The following RORB variants were observed in gnomAD, a reference collection of about 807,000 sequenced individuals.
RORB encodes RAR related orphan receptor B, also known as nuclear receptor ROR-beta.
RORB carries 6 observed loss-of-function variants against 59.1 expected under a neutral mutation model. The ratio of observed to expected loss-of-function variants is 0.10; its 90% CI spans 0.06 to 0.20. RORB has a LOEUF of 0.20. RORB is among the 10% of genes least tolerant of loss of function. The pLI is 1.00. For synonymous variants in RORB, 215 were observed against 204.5 expected, an observed-to-expected ratio of 1.05 and a Z score of -0.44; for missense variants, 320 against 560.5, an observed-to-expected ratio of 0.57 and a Z score of 4.33.
intron 1 of RORB, among the ~76,000 whole-genome samples, chr9:74,524,559 T>C (rs570237183): frequency 5.3e-5 from 8 of 152,098 alleles, no homozygotes; most frequent in African/African-American, 1.9e-4. Context: ...CACTAATTTA[T>C]AGAAGAATGT....
intron 1 of RORB, among the ~76,000 whole-genome samples, chr9:74,522,792 A>G (rs186120529): frequency 3.3e-5 from 5 of 151,984 alleles, no homozygotes; most frequent in East Asian, 3.9e-4. Context: ...CACTGTACCC[A>G]GATAATCAAC....
chr9:74,659,939 T>C (rs1824153165), intron 4 of RORB, among the ~76,000 whole-genome samples: 1 of 151,904 alleles, frequency 6.6e-6, no homozygotes, highest in African/African-American at 2.4e-5. Context: ...ATATAAAAAA[T>C]TAAAAAGGAG....
At chr9:74,664,674 C>G (rs190389233) in intron 6 of RORB, among the ~76,000 whole-genome samples, 78 of 152,240 alleles carry the variant, frequency 5.1e-4, no homozygotes, top group Non-Finnish European at 8.4e-4. Flanking sequence ...CAAAGACAAG[C>G]AGAGAGAAAT....
intron 2 of RORB, among the ~76,000 whole-genome samples, chr9:74,631,398 A>C (rs1307680224): frequency 6.6e-6 from 1 of 152,230 alleles, no homozygotes; most frequent in African/African-American, 2.4e-5. Flanking sequence ...TCAAAGAAGC[A>C]AGCAAAGTGA....
intron 1 of RORB, among the ~76,000 whole-genome samples, chr9:74,536,308 G>T (rs1341312256): frequency 6.6e-6 from 1 of 151,824 alleles, no homozygotes; most frequent in Non-Finnish European, 1.5e-5. Flanking sequence ...GAGGAGGGGA[G>T]GGAAGAGGAG....
chr9:74,590,411 G>A (rs1822868935), intron 1 of RORB, among the ~76,000 whole-genome samples: 1 of 152,176 alleles, frequency 6.6e-6, no homozygotes, highest in Admixed American at 6.5e-5. Context: ...TCTAAGAGTT[G>A]TAGTGGTTAA....
At position 74,656,897 on chromosome 9, in the gene RORB, T is replaced by C. The variant is rs1824091919; in HGVS notation, c.638-3720T>C. On this transcript the variant is annotated intron_variant, in intron 4 of 9. Transcript: ENST00000376896. ...ACCTGTTTACTCAGACATCCCTACT[T>C]CAGTCACAAAATCTGTCCACCCTAG... 2.0e-5 allele frequency among the ~76,000 whole-genome samples: 3 copies of C among 152,164 alleles called. 1 individual carries two copies. In the South Asian group the frequency reaches 6.2e-4, roughly 32 times the overall value.
intron 4 of RORB, 81 bp from the exon 5 acceptor site, chr9:74,660,536 A>C (rs1824165101): frequency 7.5e-7 from 1 of 1,326,250 alleles, no homozygotes. Context: ...TCCAAAAGGC[A>C]TTCTTATAGT....
At chr9:74,504,778 A>T (rs1345202462) in intron 1 of RORB, among the ~76,000 whole-genome samples, 2 of 152,070 alleles carry the variant, frequency 1.3e-5, no homozygotes, top group Non-Finnish European at 2.9e-5. Context: ...GGCACTGTGG[A>T]GTATATGAAA....
chr9:74,612,669 A>T (rs1396181543), intron 1 of RORB, among the ~76,000 whole-genome samples: 1 of 152,160 alleles, frequency 6.6e-6, no homozygotes, highest in East Asian at 1.9e-4. Context: ...GTAGACATAA[A>T]GATGTATAAG....
At chr9:74,640,394 A>T in intron 3 of RORB, among the ~76,000 whole-genome samples, 1 of 151,648 alleles carries the variant, frequency 6.6e-6, no homozygotes, top group Non-Finnish European at 1.5e-5. Flanking sequence ...AGCACACACC[A>T]CCACGCCCAC....
At chr9:74,611,718 G>C (rs907001097) in intron 1 of RORB, among the ~76,000 whole-genome samples, 1 of 152,098 alleles carries the variant, frequency 6.6e-6, no homozygotes, top group Non-Finnish European at 1.5e-5. Context: ...GGCAATCTTG[G>C]CTCACCGCAA....
At chr9:74,624,775 A>G (rs1303017569) in intron 1 of RORB, among the ~76,000 whole-genome samples, 2 of 152,232 alleles carry the variant, frequency 1.3e-5, no homozygotes, top group African/African-American at 4.8e-5. Flanking sequence ...TAGATGAGAT[A>G]CAACTTGGGC....
intron 9 of RORB, among the ~76,000 whole-genome samples, chr9:74,682,623 C>T (rs1824565536): frequency 6.6e-6 from 1 of 152,102 alleles, no homozygotes; most frequent in Admixed American, 6.6e-5. Flanking sequence ...TACTTGACCC[C>T]CACCAAACTA....
chr9:74,612,246 G>A (rs1823241361), intron 1 of RORB, among the ~76,000 whole-genome samples: 2 of 152,086 alleles, frequency 1.3e-5, no homozygotes, highest in Admixed American at 1.3e-4. Context: ...GGAAGTTCAA[G>A]GAGGAGATAG....
chr9:74,506,909 C>CTTGGAAATAGA (rs1825877862), intron 1 of RORB, among the ~76,000 whole-genome samples: 3 of 152,072 alleles, frequency 2.0e-5, no homozygotes, highest in African/African-American at 7.2e-5. Flanking sequence ...ATGGTAATTC[C>CTTGGAAATAGA]AGATTTTTTC....
chr9:74,639,108 T>A (rs1234813629), intron 3 of RORB, among the ~76,000 whole-genome samples: 1 of 152,230 alleles, frequency 6.6e-6, no homozygotes, highest in East Asian at 1.9e-4. Flanking sequence ...TCTGTGTCCA[T>A]CAGCTGCAGG....
chr9:74,520,597 A>T (rs1587339000), intron 1 of RORB, among the ~76,000 whole-genome samples: 1 of 151,904 alleles, frequency 6.6e-6, no homozygotes, highest in Non-Finnish European at 1.5e-5. Flanking sequence ...AATTCAGATG[A>T]TAGTGAGATA....
In RORB at chr9:74,642,574, C is replaced by T. The variant is rs1175514339; in HGVS notation, c.396C>T (p.Asn132=). ...GCAGCATTAGCAACGGCCTGAGCAA[C>T]CTGAACAACGAGACCAGCGGCACTT... is the stretch of plus-strand genomic sequence containing the variant. ...YSSSISNGLS[N]LNNETSGTYA... The change falls in exon 4 of 10, where the codon AAC becomes AAT. Residue 132 remains asparagine (N), a synonymous_variant. Transcript: ENST00000376896. The T allele has an allele frequency of 1.2e-6, 2 of 1,614,074 alleles. No homozygotes were observed. Among genetic ancestry groups the T allele is most frequent in the African/African-American group, 1.3e-5 (1 of 74,926 alleles).
Sources: gnomAD v4.1 joint callset for allele counts (sites outside exome capture counted in the v4.1 genomes callset) on GRCh38, gnomAD v4.1.1 for gene constraint, MANE v1.5 for transcripts, NCBI Gene and HGNC (gene_info 2026-07-23, HGNC 2026-07-21) for gene names.